AMPH: variants seen among roughly 807,000 people sequenced by gnomAD.
AMPH encodes the protein amphiphysin.
A neutral mutation model predicts 99.1 loss-of-function variants in AMPH; 49 were observed. The ratio of observed to expected loss-of-function variants is 0.49; its 90% confidence interval spans 0.39 to 0.63. The LOEUF is 0.63. Among genes scored for constraint, AMPH ranks in the 20% least tolerant of loss-of-function variants. The pLI is 0.00. For missense variants in AMPH, 759 were observed against 863.4 expected (o/e 0.88, Z 1.52); for synonymous variants, 314 against 317.3 (o/e 0.99, Z 0.11).
intron 2 of AMPH, among the ~76,000 whole-genome samples, chr7:38,518,414 G>C (rs1789830630): frequency 6.6e-6 from 1 of 152,176 alleles, no homozygotes; most frequent in South Asian, 2.1e-4. Context: ...ACTGAGCCTA[G>C]CAAAGTCACG....
chr7:38,599,151 G>A (rs1033207218), intron 1 of AMPH, among the ~76,000 whole-genome samples: 1 of 152,126 alleles, frequency 6.6e-6, no homozygotes, highest in African/African-American at 2.4e-5. Flanking sequence ...AATTCTTTGA[G>A]TTGTGGAGAG....
chr7:38,516,603 AT>A (rs1288514590), intron 2 of AMPH, among the ~76,000 whole-genome samples: 1 of 152,230 alleles, frequency 6.6e-6, no homozygotes, highest in African/African-American at 2.4e-5. Flanking sequence ...CCAAGAAGAA[AT>A]ATGGGATTGG....
chr7:38,628,841 T>C (rs1479600189), intron 1 of AMPH, among the ~76,000 whole-genome samples: 1 of 152,238 alleles, frequency 6.6e-6, no homozygotes, highest in South Asian at 2.1e-4. Flanking sequence ...CAATGAATCT[T>C]CACTGACTTT....
intron 9 of AMPH, 58 bp from the exon 10 acceptor site, chr7:38,463,171 C>T (rs1455900134): frequency 2.5e-6 from 4 of 1,611,756 alleles, no homozygotes; most frequent in African/African-American, 1.3e-5. Context: ...TTCATCTAAT[C>T]AGGGGTTTTC....
intron 5 of AMPH, among the ~76,000 whole-genome samples, chr7:38,478,098 C>G (rs1039110876): frequency 6.6e-6 from 1 of 151,716 alleles, no homozygotes; most frequent in Non-Finnish European, 1.5e-5. Context: ...AAAACAACAA[C>G]AACAAAAACA....
intron 7 of AMPH, among the ~76,000 whole-genome samples, chr7:38,474,802 C>T (rs926449790): frequency 1.3e-5 from 2 of 152,020 alleles, no homozygotes; most frequent in African/African-American, 2.4e-5. Flanking sequence ...TGCAGAGTAA[C>T]GTGTAAGTAA....
At chr7:38,599,321 C>T (rs1359222503) in intron 1 of AMPH, among the ~76,000 whole-genome samples, 1 of 152,222 alleles carries the variant, frequency 6.6e-6, no homozygotes, top group Non-Finnish European at 1.5e-5. Flanking sequence ...AACCCCTCTT[C>T]TTCCTCATCC....
rs1234516325 is a variant in AMPH at position 38,451,340 on chromosome 7, CAT to C, written c.1017+9941_1017+9942del. 6.8e-4 allele frequency among the ~76,000 whole-genome samples: 102 copies of C among 150,690 alleles called. No individual in the cohort carries two copies. The East Asian group carries it at 8.6e-3, about 13-fold the overall frequency. On this transcript the variant is annotated intron_variant, in intron 11 of 20. Transcript: ENST00000356264. Reference sequence around the variant, plus strand: ...ACACATATATACACATGTATATATACATATATACGTTATATACACGTATATAT... The same window carrying C: ...ACACATATATACACATGTATATATACATATACGTTATATACACGTATATAT...
intron 17 of AMPH, among the ~76,000 whole-genome samples, chr7:38,415,412 C>T (rs1215412655): frequency 6.6e-6 from 1 of 152,142 alleles, no homozygotes; most frequent in East Asian, 1.9e-4. Context: ...CAACCACAGC[C>T]AGCCAATTAA....
intron 12 of AMPH, among the ~76,000 whole-genome samples, chr7:38,434,908 C>T (rs1188280349): frequency 1.3e-5 from 2 of 152,174 alleles, no homozygotes; most frequent in South Asian, 2.1e-4. Flanking sequence ...AACTTGTTGA[C>T]AATACTTTAG....
chr7:38,447,913 C>T (rs751411963), intron 11 of AMPH, among the ~76,000 whole-genome samples: 1 of 152,014 alleles, frequency 6.6e-6, no homozygotes, highest in Admixed American at 6.6e-5. Flanking sequence ...ATTTTGAAAA[C>T]CTTTACTATA....
intron 1 of AMPH, among the ~76,000 whole-genome samples, chr7:38,570,403 G>A (rs552914656): frequency 6.6e-4 from 101 of 152,152 alleles, no homozygotes; most frequent in African/African-American, 2.1e-3. Flanking sequence ...GTCATGAGCC[G>A]CATAATAATG....
chr7:38,530,986 C>T (rs898094595), intron 2 of AMPH: 1 of 150,970 alleles, frequency 6.6e-6, no homozygotes, highest in African/African-American at 2.4e-5. Context: ...CTCCTAATTC[C>T]TTCCTTCCTT....
Position 38,462,970 on chromosome 7 carries a change from C to A in AMPH, c.888+5G>T. Reference sequence around the variant, plus strand: ...TATCCCCCAATATATTTGACCTCTTCCTACCTGTGAAGGTGACCGAGGCCG... The same window carrying A: ...TATCCCCCAATATATTTGACCTCTTACTACCTGTGAAGGTGACCGAGGCCG... On this transcript the variant is annotated splice_donor_5th_base_variant and intron_variant, in intron 10 of 20. Transcript: ENST00000356264. 6.4e-7 allele frequency: 1 copy of A among 1,559,998 alleles called. No individual in the cohort carries two copies. The highest frequency in any genetic ancestry group is 8.7e-7 in the Non-Finnish European group (1 of 1,153,986).
chr7:38,517,550 T>A (rs1789796832), intron 2 of AMPH, among the ~76,000 whole-genome samples: 1 of 152,204 alleles, frequency 6.6e-6, no homozygotes. Context: ...TCTTTATGAT[T>A]ACCCAGTCTC....
intron 1 of AMPH, among the ~76,000 whole-genome samples, chr7:38,627,849 T>C (rs899217323): frequency 2.6e-5 from 4 of 152,144 alleles, no homozygotes; most frequent in South Asian, 4.1e-4. Flanking sequence ...TTAGATATTA[T>C]TATTATTAGC....
intron 7 of AMPH, among the ~76,000 whole-genome samples, chr7:38,471,927 T>C (rs956189606): frequency 1.3e-5 from 2 of 152,062 alleles, no homozygotes; most frequent in Admixed American, 6.6e-5. Context: ...CAAGAAGATA[T>C]ACAAGTTATA....
In AMPH at chr7:38,628,207, C is replaced by T. The variant is rs968650597; in HGVS notation, c.69+3076G>A. ...GCACAAAAGTTTGCTTTTTAAAAAT[C>T]AAACAAATGAAATTAATCATGAACA... On this transcript the variant is annotated intron_variant, in intron 1 of 20. Transcript: ENST00000356264. 1.1e-4 allele frequency among the ~76,000 whole-genome samples: 16 copies of T among 152,176 alleles called. No homozygotes were observed. The East Asian group carries it at 1.2e-3, about 11-fold the overall frequency.
At chr7:38,392,147 C>CCTGAG in intron 18 of AMPH, 130 bp from the exon 19 acceptor site, 1 of 917,350 alleles carries the variant, frequency 1.1e-6, no homozygotes, top group Non-Finnish European at 1.6e-6. Context: ...ACTAGCCAGA[C>CCTGAG]TCAGGTCTGG....
Sources: allele counts gnomAD v4.1 joint callset (sites outside exome capture counted in the v4.1 genomes callset), GRCh38; gene constraint gnomAD v4.1.1; transcripts MANE v1.5; gene names NCBI Gene and HGNC (gene_info 2026-07-23, HGNC 2026-07-21).